Variants in LAMA2 observed in about 807,000 individuals in gnomAD.
LAMA2 encodes laminin subunit alpha-2.
Under a neutral mutation model 364.8 loss-of-function variants are expected in LAMA2, and 269 were observed. That is an observed-to-expected ratio of 0.74 (90% CI 0.67 to 0.82). LAMA2 has a LOEUF of 0.82. Among genes scored for constraint, LAMA2 ranks in the 40% least tolerant of loss-of-function variants. The pLI, the probability that LAMA2 is intolerant of heterozygous loss-of-function variation, is 0.00. For missense variants in LAMA2, 3,807 were observed against 3,873.2 expected (o/e 0.98, Z 0.45); for synonymous variants, 1,379 against 1,370.6 (o/e 1.01, Z -0.14).
intron 1 of LAMA2, chr6:128,929,709 C>T (rs1450524334): frequency 2.1e-6 from 3 of 1,399,550 alleles, no homozygotes; most frequent in African/African-American, 2.8e-5. Flanking sequence ...CCGATGAAAC[C>T]TCAAGGTCAG....
Position 129,139,440 on chromosome 6 carries a change from G to A in LAMA2, c.640-4461G>A, listed in dbSNP as rs188540528. On this transcript the variant is annotated intron_variant, in intron 4 of 64. Coordinates refer to ENST00000421865, the MANE Select transcript of LAMA2 (RefSeq NM_000426.4). ...ATATGGTATAACAACTATTTACATAGCCTTTACATTGTATTGGGTATTTAA... is the reference window on the plus strand; with the variant it reads ...ATATGGTATAACAACTATTTACATAACCTTTACATTGTATTGGGTATTTAA... 5.9e-5 allele frequency among the ~76,000 whole-genome samples: 9 copies of A among 152,132 alleles called. No individual in the cohort carries two copies. The East Asian group carries it at 1.7e-3, about 29-fold the overall frequency.
chr6:129,506,885 CA>C (rs1257182683), intron 61 of LAMA2, among the ~76,000 whole-genome samples: 1 of 152,096 alleles, frequency 6.6e-6, no homozygotes, highest in African/African-American at 2.4e-5. Flanking sequence ...ACAAGCAATT[CA>C]CTTGAATTTC....
chr6:129,190,094 T>A (rs1233249795), intron 10 of LAMA2, 111 bp from the exon 11 acceptor site: 2 of 1,067,116 alleles, frequency 1.9e-6, no homozygotes, highest in African/African-American at 3.1e-5. Context: ...TTAAATATAG[T>A]TGAGAGGGTA....
At chr6:129,166,491 G>A (rs1779750281) in intron 9 of LAMA2, among the ~76,000 whole-genome samples, 1 of 152,074 alleles carries the variant, frequency 6.6e-6, no homozygotes, top group African/African-American at 2.4e-5. Context: ...TTATAAAACT[G>A]TAGGATTATC....
chr6:129,031,182 T>C (rs1331103825), intron 1 of LAMA2, among the ~76,000 whole-genome samples: 1 of 152,194 alleles, frequency 6.6e-6, no homozygotes, highest in Non-Finnish European at 1.5e-5. Flanking sequence ...CAAATCTCAC[T>C]GTGAAAAAAA....
intron 40 of LAMA2, among the ~76,000 whole-genome samples, chr6:129,405,909 T>C (rs929565308): frequency 6.6e-6 from 1 of 151,764 alleles, no homozygotes; most frequent in African/African-American, 2.4e-5. Flanking sequence ...TACAGAAGAG[T>C]CCTCTACTCC....
chr6:129,325,544 T>TTA (rs1554272415), intron 28 of LAMA2, among the ~76,000 whole-genome samples: 2 of 150,864 alleles, frequency 1.3e-5, no homozygotes, highest in Non-Finnish European at 1.5e-5. Flanking sequence ...TTTTTTTTTT[T>TTA]AAAAAAAACA....
chr6:129,220,020 C>T (rs191407331), intron 12 of LAMA2, among the ~76,000 whole-genome samples: 27 of 151,950 alleles, frequency 1.8e-4, no homozygotes, highest in African/African-American at 6.0e-4. Context: ...AAAAGTTCAT[C>T]GTATGGATTG....
Position 129,263,914 on chromosome 6 carries a change from TG to T in LAMA2, c.2208+3093del, listed in dbSNP as rs201049865. ...ACCACCATGCCCAGCTATTTTTTTTTGTTTGTTTTAATAGAGACAAGATCTC... is the reference window on the plus strand; with the variant it reads ...ACCACCATGCCCAGCTATTTTTTTTTTTTGTTTTAATAGAGACAAGATCTC... On this transcript the variant is annotated intron_variant, in intron 15 of 64. Coordinates refer to ENST00000421865, the MANE Select transcript of LAMA2 (RefSeq NM_000426.4). Among the ~76,000 whole-genome samples the T allele has an allele frequency of 1.2e-3, 189 of 151,660 alleles. No individual in the cohort carries two copies. In the East Asian group the frequency reaches 0.021, roughly 17 times the overall value.
chr6:129,231,978 G>T (rs2115131791), intron 12 of LAMA2, among the ~76,000 whole-genome samples: 1 of 152,216 alleles, frequency 6.6e-6, no homozygotes, highest in African/African-American at 2.4e-5. Flanking sequence ...TATATATGGA[G>T]TTCCAAATAC....
At chr6:129,468,095 T>G (rs1783635366) in intron 51 of LAMA2, among the ~76,000 whole-genome samples, 1 of 151,834 alleles carries the variant, frequency 6.6e-6, no homozygotes, top group African/African-American at 2.4e-5. Flanking sequence ...TCACATTGCT[T>G]TTTGCCTTTC....
intron 40 of LAMA2, among the ~76,000 whole-genome samples, chr6:129,411,650 C>G (rs997738888): frequency 2.0e-4 from 31 of 151,884 alleles, no homozygotes; most frequent in Non-Finnish European, 2.4e-4. Context: ...TGAAACTTTA[C>G]TCTTATGTGA....
intron 32 of LAMA2, among the ~76,000 whole-genome samples, chr6:129,364,157 C>T (rs1336844019): frequency 6.6e-6 from 1 of 152,102 alleles, no homozygotes; most frequent in Non-Finnish European, 1.5e-5. Flanking sequence ...TATTAAAAGC[C>T]CTGCCAGGGC....
chr6:129,173,135 C>T (rs1006730526), intron 9 of LAMA2, among the ~76,000 whole-genome samples: 11 of 152,204 alleles, frequency 7.2e-5, no homozygotes, highest in South Asian at 2.1e-4. Flanking sequence ...CCGTCTTCTG[C>T]GTCGCTCACG....
At chr6:129,035,085 AT>A (rs1251487270) in intron 1 of LAMA2, among the ~76,000 whole-genome samples, 2 of 152,066 alleles carry the variant, frequency 1.3e-5, no homozygotes, top group African/African-American at 4.8e-5. Flanking sequence ...GGTTGAACTA[AT>A]TTACATTCCC....
chr6:129,266,497 G>A (rs1787526287), intron 15 of LAMA2, among the ~76,000 whole-genome samples: 1 of 152,112 alleles, frequency 6.6e-6, no homozygotes, highest in African/African-American at 2.4e-5. Context: ...GTGTAAATTT[G>A]AGAAAGCATA....
At position 129,455,782 on chromosome 6, in the gene LAMA2, G is replaced by A. The variant is rs1782930222; in HGVS notation, c.6708-553G>A. Among the ~76,000 whole-genome samples the A allele has an allele frequency of 2.0e-5, 3 of 152,086 alleles. No homozygotes were observed. In the South Asian group the frequency reaches 6.2e-4, roughly 32 times the overall value. On this transcript the variant is annotated intron_variant, in intron 47 of 64. Coordinates refer to ENST00000421865, the MANE Select transcript of LAMA2 (RefSeq NM_000426.4). ...TGTACTGTATACATTAGTATGCTGT[G>A]CCAAACAATAAAAGATATACCATTC...
intron 1 of LAMA2, among the ~76,000 whole-genome samples, chr6:128,916,311 C>T (rs894424235): frequency 2.6e-5 from 4 of 152,080 alleles, no homozygotes; most frequent in Non-Finnish European, 5.9e-5. Context: ...TTTAAAACTT[C>T]AATTATCTTG....
intron 15 of LAMA2, among the ~76,000 whole-genome samples, chr6:129,266,830 C>A (rs1445627154): frequency 6.6e-6 from 1 of 151,964 alleles, no homozygotes; most frequent in Non-Finnish European, 1.5e-5. Flanking sequence ...CATTTCAATT[C>A]TTTATATCTC....
Sources: allele counts gnomAD v4.1 joint callset (sites outside exome capture counted in the v4.1 genomes callset), GRCh38; gene constraint gnomAD v4.1.1; transcripts MANE v1.5; gene names NCBI Gene and HGNC (gene_info 2026-07-23, HGNC 2026-07-21).